CCSER1: variants seen among roughly 807,000 people sequenced by gnomAD.
CCSER1 encodes coiled-coil serine rich protein 1.
Under a neutral mutation model 82.0 loss-of-function variants are expected in CCSER1, and 41 were observed. The ratio of observed to expected loss-of-function variants is 0.50; its 90% CI spans 0.39 to 0.65. The LOEUF (loss-of-function observed/expected upper bound fraction) is 0.65, where lower values mean the gene tolerates loss of function less well. CCSER1 is among the 30% of genes least tolerant of loss of function. CCSER1 has a pLI of 0.00. For missense variants in CCSER1, 1,119 were observed against 1,064.2 expected (o/e 1.05, Z -0.72); for synonymous variants, 414 against 383.9 (o/e 1.08, Z -0.92).
chr4:90,584,916 G>T (rs1781822546), intron 5 of CCSER1, among the ~76,000 whole-genome samples: 1 of 151,930 alleles, frequency 6.6e-6, no homozygotes, highest in Non-Finnish European at 1.5e-5. Context: ...GTCTTTGAAA[G>T]ACACCATTAA....
At chr4:90,135,213 A>C (rs1723449084) in intron 1 of CCSER1, among the ~76,000 whole-genome samples, 3 of 152,220 alleles carry the variant, frequency 2.0e-5, no homozygotes, top group Non-Finnish European at 4.4e-5. Flanking sequence ...CTCTAACATT[A>C]CAACGTATTT....
At chr4:90,328,798 T>C (rs1738699680) in intron 3 of CCSER1, among the ~76,000 whole-genome samples, 1 of 152,152 alleles carries the variant, frequency 6.6e-6, no homozygotes, top group Non-Finnish European at 1.5e-5. Context: ...TCAGGCTGGC[T>C]CTGGTCCAAG....
At chr4:91,405,979 C>G (rs1362951963) in intron 10 of CCSER1, among the ~76,000 whole-genome samples, 3 of 152,164 alleles carry the variant, frequency 2.0e-5, no homozygotes, top group African/African-American at 4.8e-5. Context: ...TAGACTGGAG[C>G]TGTTCCTATT....
intron 9 of CCSER1, among the ~76,000 whole-genome samples, chr4:91,023,343 T>C (rs976221540): frequency 3.3e-5 from 5 of 152,088 alleles, no homozygotes; most frequent in African/African-American, 1.2e-4. Context: ...GAGCCCGCAT[T>C]GCCAAGTCAA....
chr4:90,460,324 C>CAAAAAAAAAAAAAAAAAAAAA (rs751331396), intron 4 of CCSER1, among the ~76,000 whole-genome samples: 13 of 32,618 alleles, frequency 4.0e-4, no homozygotes, highest in African/African-American at 1.0e-3. Flanking sequence ...AACTCCGTCT[C>CAAAAAAAAAAAAAAAAAAAAA]AAAAAAAAAA....
At chr4:91,165,231 C>A (rs1222982142) in intron 10 of CCSER1, among the ~76,000 whole-genome samples, 1 of 152,184 alleles carries the variant, frequency 6.6e-6, no homozygotes, top group Non-Finnish European at 1.5e-5. Flanking sequence ...AGGTCCACTC[C>A]AGACCCTGTT....
chr4:91,386,513 C>A (rs1442922770), intron 10 of CCSER1, among the ~76,000 whole-genome samples: 3 of 151,610 alleles, frequency 2.0e-5, no homozygotes, highest in African/African-American at 7.3e-5. Context: ...GTTGGAAAAT[C>A]ATCACTTTGC....
chr4:91,319,455 G>A (rs1347855349), intron 10 of CCSER1, among the ~76,000 whole-genome samples: 4 of 151,966 alleles, frequency 2.6e-5, no homozygotes, highest in Non-Finnish European at 5.9e-5. Flanking sequence ...ATGTGTGAAG[G>A]TCTAGCCAGC....
In CCSER1 at chr4:91,464,579, A is replaced by G. The variant is rs1756748801; in HGVS notation, c.2218-133993A>G. Among the ~76,000 whole-genome samples, 3 of 152,126 alleles carry G rather than the reference A, an allele frequency of 2.0e-5. No homozygotes were observed. The South Asian group carries it at 6.2e-4, about 32-fold the overall frequency. ...CTGGCAAATCAGATAAAGAATCAAG[A>G]CCCATCACTGTGCTGTATTCAGGAA... On this transcript the variant is annotated intron_variant, in intron 10 of 10. Coordinates refer to ENST00000509176, the MANE Select transcript of CCSER1 (RefSeq NM_001145065.2).
intron 10 of CCSER1, among the ~76,000 whole-genome samples, chr4:91,536,624 T>C (rs1761308669): frequency 6.6e-6 from 1 of 152,112 alleles, no homozygotes; most frequent in Admixed American, 6.6e-5. Flanking sequence ...TGGCACCCAG[T>C]CTGAGACTCA....
intron 1 of CCSER1, among the ~76,000 whole-genome samples, chr4:90,211,814 G>GT: frequency 6.6e-6 from 1 of 152,246 alleles, no homozygotes; most frequent in Non-Finnish European, 1.5e-5. Context: ...ATTGTGTTTT[G>GT]TTTTTTGCTT....
At position 90,827,669 on chromosome 4, in the gene CCSER1, A is replaced by G. The variant is rs148734370; in HGVS notation, c.2094+11824A>G. On this transcript the variant is annotated intron_variant, in intron 8 of 10. Transcript: ENST00000509176. ...ACATTATTACTTGTAAAATCATGACAGCATTATCAGAGACATGAAAAGAGA... is the reference window on the plus strand; with the variant it reads ...ACATTATTACTTGTAAAATCATGACGGCATTATCAGAGACATGAAAAGAGA... 1.6e-3 allele frequency among the ~76,000 whole-genome samples: 243 copies of G among 152,272 alleles called. 2 individuals carry two copies. Among genetic ancestry groups the G allele is most frequent in the Admixed American group, 2.2e-3 (34 of 15,290 alleles).
intron 9 of CCSER1, among the ~76,000 whole-genome samples, chr4:90,981,931 C>T (rs1736152986): frequency 6.6e-6 from 1 of 151,836 alleles, no homozygotes; most frequent in South Asian, 2.1e-4. Context: ...CATTTGAGCT[C>T]AGGCTTGTCT....
chr4:90,801,563 T>G (rs560121227), intron 7 of CCSER1, among the ~76,000 whole-genome samples: 1 of 152,308 alleles, frequency 6.6e-6, no homozygotes, highest in African/African-American at 2.4e-5. Context: ...GATATGCCAC[T>G]GTATCAAGAG....
At chr4:91,585,915 G>C (rs1233288893) in intron 10 of CCSER1, among the ~76,000 whole-genome samples, 1 of 151,606 alleles carries the variant, frequency 6.6e-6, no homozygotes, top group African/African-American at 2.4e-5. Context: ...AAATAAGAAG[G>C]TCAATGGCAT....
intron 3 of CCSER1, among the ~76,000 whole-genome samples, chr4:90,332,128 A>C (rs917154206): frequency 2.0e-5 from 3 of 152,168 alleles, no homozygotes; most frequent in African/African-American, 7.2e-5. Flanking sequence ...CCGCATGTGA[A>C]TCTTTTACTT....
intron 1 of CCSER1, among the ~76,000 whole-genome samples, chr4:90,159,982 T>C (rs1729124973): frequency 6.6e-6 from 1 of 152,220 alleles, no homozygotes; most frequent in Non-Finnish European, 1.5e-5. Context: ...AATTTGCATA[T>C]ATTATATACT....
intron 10 of CCSER1, among the ~76,000 whole-genome samples, chr4:91,358,544 A>G (rs1749024207): frequency 6.6e-6 from 1 of 152,126 alleles, no homozygotes; most frequent in African/African-American, 2.4e-5. Flanking sequence ...AAAAAATTCC[A>G]GCCAAGTCAA....
chr4:91,241,993 T>C, intron 10 of CCSER1, among the ~76,000 whole-genome samples: 1 of 152,152 alleles, frequency 6.6e-6, no homozygotes, highest in East Asian at 1.9e-4. Context: ...TGTGCATATA[T>C]ATGTATGCAA....
Sources: allele counts gnomAD v4.1 joint callset (sites outside exome capture counted in the v4.1 genomes callset), GRCh38; gene constraint gnomAD v4.1.1; transcripts MANE v1.5; gene names NCBI Gene and HGNC (gene_info 2026-07-23, HGNC 2026-07-21).